Variants in HS6ST2 observed in about 807,000 individuals in gnomAD.
HS6ST2 encodes heparan-sulfate 6-O-sulfotransferase 2.
A neutral mutation model predicts 33.0 loss-of-function variants in HS6ST2; 17 were observed. The observed-to-expected ratio is 0.52, with a 90% confidence interval of 0.35 to 0.77. The LOEUF is 0.77. HS6ST2 is among the 30% of genes least tolerant of loss of function. The pLI, the probability that HS6ST2 is intolerant of heterozygous loss-of-function variation, is 0.01. For synonymous variants in HS6ST2, 248 were observed against 237.1 expected (o/e 1.05, Z -0.42); for missense variants, 519 against 551.7 (o/e 0.94, Z 0.59).
chrX:132,765,763 A>G (rs2064843309), intron 2 of HS6ST2, among the ~76,000 whole-genome samples: 1 of 112,643 alleles, frequency 8.9e-6, no homozygotes, highest in African/African-American at 3.2e-5. Context: ...AGATTTTAAA[A>G]TAATATTACT....
chrX:132,917,956 TCTC>T (rs1233706322), intron 2 of HS6ST2, among the ~76,000 whole-genome samples: 2 of 112,127 alleles, frequency 1.8e-5, no homozygotes, highest in Non-Finnish European at 3.8e-5. Context: ...TTATCCATGA[TCTC>T]CTCAACACAA....
intron 2 of HS6ST2, among the ~76,000 whole-genome samples, chrX:132,858,995 A>G (rs994281322): frequency 1.3e-4 from 15 of 112,416 alleles, no homozygotes; most frequent in African/African-American, 4.5e-4. Flanking sequence ...TGTACAATGC[A>G]CAAACTGAAC....
intron 2 of HS6ST2, among the ~76,000 whole-genome samples, chrX:132,914,753 C>A (rs1331876661): frequency 1.8e-5 from 2 of 111,984 alleles, no homozygotes; most frequent in African/African-American, 6.5e-5. Context: ...GCTTTCTGAA[C>A]CTCAGCGGAC....
At chrX:132,682,403 C>T (rs903888326) in intron 3 of HS6ST2, among the ~76,000 whole-genome samples, 1 of 111,823 alleles carries the variant, frequency 8.9e-6, no homozygotes. Flanking sequence ...CTGCAAGTAG[C>T]AAAGAAGTTT....
intron 2 of HS6ST2, among the ~76,000 whole-genome samples, chrX:132,898,568 GA>G (rs200713328): frequency 5.0e-4 from 53 of 106,473 alleles, no homozygotes; most frequent in African/African-American, 1.2e-3. Flanking sequence ...CAAAATACAT[GA>G]AAAAAAAATG....
At chrX:132,706,022 C>T (rs1264037461) in intron 3 of HS6ST2, among the ~76,000 whole-genome samples, 2 of 110,205 alleles carry the variant, frequency 1.8e-5, no homozygotes, top group Admixed American at 9.7e-5. Context: ...CCCAAACAAC[C>T]AGTTATCATT....
At chrX:132,848,088 A>G (rs773534520) in intron 2 of HS6ST2, among the ~76,000 whole-genome samples, 1 of 112,078 alleles carries the variant, frequency 8.9e-6, no homozygotes, top group South Asian at 3.8e-4. Context: ...TTAGATTCTA[A>G]TGAGTAAGTA....
intron 4 of HS6ST2, among the ~76,000 whole-genome samples, chrX:132,630,862 T>C (rs1186202463): frequency 9.0e-6 from 1 of 111,290 alleles, no homozygotes; most frequent in Non-Finnish European, 1.9e-5. Context: ...CGAGAATCAC[T>C]TGAACCCAGG....
chrX:132,697,211 T>C lies in HS6ST2; in HGVS notation c.980+11251A>G, dbSNP rs149851229. 4.0e-3 allele frequency among the ~76,000 whole-genome samples: 448 copies of C among 112,059 alleles called. 1 individual carries two copies. The highest frequency in any genetic ancestry group is 0.013 in the African/African-American group (399 of 30,870). ...AGCATATCAGGTGTGTTGGATATTC[T>C]TTCCAGTTTGTTGTCTGTTTTAGAC... On this transcript the variant is annotated intron_variant, in intron 3 of 4. Coordinates refer to ENST00000370833, the MANE Select transcript of HS6ST2 (RefSeq NM_001394073.1).
chrX:132,788,491 T>G (rs1414189910), intron 2 of HS6ST2, among the ~76,000 whole-genome samples: 1 of 111,632 alleles, frequency 9.0e-6, no homozygotes, highest in African/African-American at 3.3e-5. Context: ...GACACAACAA[T>G]ACTGAAATTA....
intron 2 of HS6ST2, among the ~76,000 whole-genome samples, chrX:132,789,180 C>T (rs1013995957): frequency 5.4e-5 from 6 of 111,572 alleles, no homozygotes; most frequent in South Asian, 3.8e-4. Context: ...AAAGCTTCAA[C>T]GAACAGCATC....
chrX:132,953,765 G>T (rs2067040035), intron 2 of HS6ST2, among the ~76,000 whole-genome samples: 1 of 112,579 alleles, frequency 8.9e-6, no homozygotes, highest in South Asian at 3.7e-4. Flanking sequence ...CCCAATGGGT[G>T]TGGTAATCCT....
At chrX:132,864,813 C>G (rs952167568) in intron 2 of HS6ST2, among the ~76,000 whole-genome samples, 12 of 110,418 alleles carry the variant, frequency 1.1e-4, no homozygotes, top group Non-Finnish European at 1.9e-4. Context: ...TCATCAGATT[C>G]ACCAAGGTTG....
At chrX:132,657,366 G>A (rs750367089) in intron 4 of HS6ST2, among the ~76,000 whole-genome samples, 55 of 110,629 alleles carry the variant, frequency 5.0e-4, no homozygotes, top group African/African-American at 1.6e-3. Context: ...GGCTGCCAAT[G>A]GAGGGCAAGT....
At chrX:132,706,529 G>T (rs927686107) in intron 3 of HS6ST2, among the ~76,000 whole-genome samples, 6 of 111,786 alleles carry the variant, frequency 5.4e-5, no homozygotes, top group African/African-American at 1.9e-4. Context: ...TAATGTTTTT[G>T]CTGTCCTTAG....
intron 3 of HS6ST2, among the ~76,000 whole-genome samples, chrX:132,670,406 T>C (rs2063858765): frequency 9.0e-6 from 1 of 111,296 alleles, no homozygotes; most frequent in South Asian, 3.8e-4. Flanking sequence ...GAGATAATGA[T>C]GGGTTCCTGG....
chrX:132,628,952 G>A lies in HS6ST2; in HGVS notation c.1209C>T (p.Ser403=), dbSNP rs2063498183. ...CAGACCAGTCATCGCCAGTGTAGCA[G>A]CTGGGCAGCTCTTCGGAGGTTGGAG... ...GRPPTSEELP[S]CYTGDDWSGC... is the part of the protein sequence containing the mutation. Residue 403 remains serine, a synonymous_variant, in exon 5 of 5, where the codon AGC becomes AGT. Transcript: ENST00000370833. The A allele has an allele frequency of 4.1e-6, 5 of 1,211,199 alleles. No individual in the cohort carries two copies. Among genetic ancestry groups the A allele is most frequent in the Non-Finnish European group, 5.6e-6 (5 of 895,222 alleles).
chrX:132,957,799 G>A (rs2067100753), intron 1 of HS6ST2, among the ~76,000 whole-genome samples: 1 of 111,433 alleles, frequency 9.0e-6, no homozygotes, highest in Non-Finnish European at 1.9e-5. Context: ...TCTTTGGAGC[G>A]CACACCTCTG....
intron 2 of HS6ST2, among the ~76,000 whole-genome samples, chrX:132,886,486 G>A (rs758087874): frequency 1.2e-4 from 13 of 110,954 alleles, no homozygotes; most frequent in Non-Finnish European, 2.1e-4. Flanking sequence ...AATTCTAGGA[G>A]AGAAGACAAA....
Sources: allele counts gnomAD v4.1 joint callset (sites outside exome capture counted in the v4.1 genomes callset), GRCh38; gene constraint gnomAD v4.1.1; transcripts MANE v1.5; gene names NCBI Gene and HGNC (gene_info 2026-07-23, HGNC 2026-07-21).